Variants in EFL1 observed in about 807,000 individuals in gnomAD.
EFL1 encodes the protein elongation factor-like GTPase 1.
A neutral mutation model predicts 126.7 loss-of-function variants in EFL1; 76 were observed. The ratio of observed to expected loss-of-function variants is 0.60; its 90% CI spans 0.50 to 0.73. The LOEUF (loss-of-function observed/expected upper bound fraction) is 0.73. Among genes scored for constraint, EFL1 ranks in the 30% least tolerant of loss-of-function variants. EFL1 has a pLI of 0.00. For synonymous variants in EFL1, 410 were observed against 448.4 expected, an observed-to-expected ratio of 0.91 and a Z score of 1.08; for missense variants, 1,128 against 1,343.2, an observed-to-expected ratio of 0.84 and a Z score of 2.50.
At chr15:82,143,448 T>C (rs918376004) in intron 18 of EFL1, among the ~76,000 whole-genome samples, 1 of 152,224 alleles carries the variant, frequency 6.6e-6, no homozygotes, top group African/African-American at 2.4e-5. Flanking sequence ...GTAACACTTA[T>C]GCACTAACTT....
At chr15:82,166,129 C>G (rs758474531) in intron 15 of EFL1, among the ~76,000 whole-genome samples, 3 of 152,222 alleles carry the variant, frequency 2.0e-5, no homozygotes, top group African/African-American at 7.2e-5. Context: ...CCTCATCCAT[C>G]CTGCTTCTGA....
chr15:82,220,663 T>A (rs2074702106), intron 12 of EFL1, among the ~76,000 whole-genome samples: 1 of 151,746 alleles, frequency 6.6e-6, no homozygotes, highest in Admixed American at 6.6e-5. Context: ...TGGCAATTCA[T>A]CAGGACTAGA....
chr15:82,164,452 C>G (rs1442972578), intron 15 of EFL1, among the ~76,000 whole-genome samples: 1 of 152,012 alleles, frequency 6.6e-6, no homozygotes, highest in Non-Finnish European at 1.5e-5. Context: ...CCTAAGCTAC[C>G]CTCCATACTC....
intron 15 of EFL1, among the ~76,000 whole-genome samples, chr15:82,172,605 C>CT (rs2074148483): frequency 2.0e-5 from 3 of 152,140 alleles, no homozygotes; most frequent in South Asian, 4.1e-4. Context: ...ATAACAAAGA[C>CT]TTTTTTGTAG....
intron 15 of EFL1, among the ~76,000 whole-genome samples, chr15:82,190,074 G>A (rs1004484224): frequency 1.3e-5 from 2 of 148,600 alleles, no homozygotes; most frequent in Admixed American, 6.8e-5. Context: ...CCAAGATCAC[G>A]CACTCCAGCC....
At chr15:82,254,964 T>C (rs572188326) in intron 3 of EFL1, among the ~76,000 whole-genome samples, 18 of 152,192 alleles carry the variant, frequency 1.2e-4, no homozygotes, top group Non-Finnish European at 2.4e-4. Flanking sequence ...CTGATGGACA[T>C]GGAGACTGAT....
chr15:82,135,279 T>C (rs2141209105), intron 19 of EFL1, among the ~76,000 whole-genome samples: 1 of 152,264 alleles, frequency 6.6e-6, no homozygotes, highest in Non-Finnish European at 1.5e-5. Context: ...AAGTATTACA[T>C]GTATAAGATC....
rs1211994764 is a variant in EFL1, at chr15:82,238,536, G to A, written c.517-15C>T. 2 of 1,586,732 alleles carry A rather than the reference G, an allele frequency of 1.3e-6. No individual in the cohort carries two copies. The highest frequency in any genetic ancestry group is 1.7e-6 in the Non-Finnish European group (2 of 1,160,702). On this transcript the variant is annotated splice_polypyrimidine_tract_variant and intron_variant, in intron 6 of 19. Transcript: ENST00000268206. ...AGCGCATTAATCTAGGAGAGATGGTGAAATGGCAGAGCGTCATTCAGATGC... is the reference window on the plus strand; with the variant it reads ...AGCGCATTAATCTAGGAGAGATGGTAAAATGGCAGAGCGTCATTCAGATGC...
chr15:82,155,321 G>A (rs1356886240), intron 17 of EFL1, among the ~76,000 whole-genome samples: 1 of 151,988 alleles, frequency 6.6e-6, no homozygotes, highest in Non-Finnish European at 1.5e-5. Context: ...GGCCAAGATG[G>A]TGAAACACCA....
chr15:82,248,780 T>A (rs1945638912), intron 4 of EFL1, among the ~76,000 whole-genome samples: 1 of 152,034 alleles, frequency 6.6e-6, no homozygotes, highest in Admixed American at 6.6e-5. Flanking sequence ...TATGGTGTTT[T>A]ACAATTTTTA....
chr15:82,235,172 T>C (rs1320847494), intron 7 of EFL1, among the ~76,000 whole-genome samples: 1 of 152,200 alleles, frequency 6.6e-6, no homozygotes, highest in Non-Finnish European at 1.5e-5. Context: ...TGAGTGATGC[T>C]GAACAAAAGT....
chr15:82,259,109 G>C lies in EFL1; in HGVS notation c.138C>G (p.Ile46Met). Reference protein sequence around the residue: ...ADCLISSNGIISSRLAGKLRY... With the variant: ...ADCLISSNGIMSSRLAGKLRY... ...ATACCTTGCCTGCTAGGCGGCTGGA[G>C]ATGATTCCATTGCTAGATATAAGAC... The change falls in exon 3 of 20, where the codon ATC becomes ATG. Residue 46 changes from isoleucine (I) to methionine (M), a missense_variant. Ile to Met is a conservative substitution (Grantham distance 10). Transcript: ENST00000268206. The C allele has an allele frequency of 6.2e-7, 1 of 1,614,008 alleles. No individual in the cohort carries two copies. The highest frequency in any genetic ancestry group is 8.5e-7 in the Non-Finnish European group (1 of 1,179,966).
At chr15:82,170,086 GA>G (rs2074117915) in intron 15 of EFL1, among the ~76,000 whole-genome samples, 1 of 149,110 alleles carries the variant, frequency 6.7e-6, no homozygotes, top group South Asian at 2.1e-4. Flanking sequence ...ATGAGGTGTG[GA>G]AATGGCACCA....
chr15:82,255,025 T>C (rs1334764111), intron 3 of EFL1, among the ~76,000 whole-genome samples: 4 of 152,360 alleles, frequency 2.6e-5, no homozygotes, highest in African/African-American at 4.8e-5. Context: ...TGTGGGTCTC[T>C]TGTACACTCC....
chr15:82,143,868 G>T (rs987564978), intron 18 of EFL1, among the ~76,000 whole-genome samples: 1 of 151,986 alleles, frequency 6.6e-6, no homozygotes, highest in Admixed American at 6.6e-5. Flanking sequence ...AAGGACCCCA[G>T]TTTTTTTTAT....
intron 3 of EFL1, among the ~76,000 whole-genome samples, chr15:82,258,115 A>T: frequency 6.6e-6 from 1 of 152,078 alleles, no homozygotes; most frequent in East Asian, 1.9e-4. Context: ...TCTTCTCTCT[A>T]TTCTCTGTCA....
rs541605763 is a variant in EFL1, at chr15:82,227,667, C to A, written c.1070-95G>T. 5 of 1,544,434 alleles carry A rather than the reference C, an allele frequency of 3.2e-6. No homozygotes were observed. The Admixed American group carries it at 7.2e-5, about 22-fold the overall frequency. On this transcript the variant is annotated intron_variant, in intron 10 of 19. Transcript: ENST00000268206. ...GCACTAAATATTGAGGTAACAAAGT[C>A]TGTCCATACAGAAAATGCCTGTGCT...
intron 8 of EFL1, among the ~76,000 whole-genome samples, chr15:82,230,521 T>C (rs1178259041): frequency 1.3e-5 from 2 of 152,084 alleles, no homozygotes; most frequent in Non-Finnish European, 2.9e-5. Flanking sequence ...CATCTCTTTA[T>C]GGTGACAGGG....
At chr15:82,219,484 T>C (rs977179920) in intron 14 of EFL1, among the ~76,000 whole-genome samples, 168 bp downstream of exon 14, 4 of 152,158 alleles carry the variant, frequency 2.6e-5, no homozygotes, top group African/African-American at 9.7e-5. Flanking sequence ...TTGAGACATA[T>C]ATGACAAATG....
Sources: gnomAD v4.1 joint callset for allele counts (sites outside exome capture counted in the v4.1 genomes callset) on GRCh38, gnomAD v4.1.1 for gene constraint, MANE v1.5 for transcripts, NCBI Gene and HGNC (gene_info 2026-07-23, HGNC 2026-07-21) for gene names.